The following TAFA2 variants were observed in gnomAD, a reference collection of about 807,000 sequenced individuals.
TAFA2 encodes the protein chemokine-like protein TAFA-2.
TAFA2 carries 7 observed loss-of-function variants against 18.8 expected under a neutral mutation model. The ratio of observed to expected loss-of-function variants is 0.37; its 90% confidence interval spans 0.21 to 0.70. The LOEUF (loss-of-function observed/expected upper bound fraction) is 0.70. Among genes scored for constraint, TAFA2 ranks in the 30% least tolerant of loss-of-function variants. TAFA2 has a pLI of 0.53. For missense variants in TAFA2, 122 were observed against 158.1 expected (o/e 0.77, Z 1.23); for synonymous variants, 60 against 54.2 (o/e 1.11, Z -0.47).
At chr12:61,926,843 C>T (rs751136585) in intron 1 of TAFA2, among the ~76,000 whole-genome samples, 38 of 151,946 alleles carry the variant, frequency 2.5e-4, no homozygotes, top group Middle Eastern at 3.4e-3. Flanking sequence ...GAGGCTGAGG[C>T]GGGTGGATCA....
At chr12:61,836,293 A>G (rs1281673090) in intron 2 of TAFA2, among the ~76,000 whole-genome samples, 3 of 151,954 alleles carry the variant, frequency 2.0e-5, no homozygotes, top group Non-Finnish European at 4.4e-5. Context: ...GAAGAGTTAG[A>G]TGTGAGTGAA....
intron 2 of TAFA2, among the ~76,000 whole-genome samples, chr12:61,772,785 C>G (rs1870091661): frequency 6.6e-6 from 1 of 151,696 alleles, no homozygotes; most frequent in Non-Finnish European, 1.5e-5. Context: ...AAGCACTCCC[C>G]CTGAGAACTG....
intron 2 of TAFA2, among the ~76,000 whole-genome samples, chr12:61,814,056 C>A (rs1444473126): frequency 6.6e-6 from 1 of 151,312 alleles, no homozygotes; most frequent in Non-Finnish European, 1.5e-5. Context: ...ACACTGTATG[C>A]AAACAATAAG....
chr12:61,880,165 G>C, intron 1 of TAFA2: 1 of 556,762 alleles, frequency 1.8e-6, no homozygotes, highest in Non-Finnish European at 3.3e-6. Flanking sequence ...CTGACAGCAT[G>C]TACCAGATCA....
intron 2 of TAFA2, among the ~76,000 whole-genome samples, chr12:61,785,772 T>C (rs1870713796): frequency 6.6e-6 from 1 of 151,618 alleles, no homozygotes; most frequent in African/African-American, 2.4e-5. Context: ...TGCTCTATGA[T>C]GTTCACATGA....
chr12:61,728,042 T>TC (rs1447352085), intron 4 of TAFA2, among the ~76,000 whole-genome samples: 1 of 151,136 alleles, frequency 6.6e-6, no homozygotes, highest in Non-Finnish European at 1.5e-5. Context: ...GTTTTTTTTT[T>TC]TTTTTTCAGT....
chr12:62,095,709 T>A (rs1488829312), intron 1 of TAFA2, among the ~76,000 whole-genome samples: 1 of 152,168 alleles, frequency 6.6e-6, no homozygotes, highest in Non-Finnish European at 1.5e-5. Flanking sequence ...GTTCCAGGAA[T>A]CTGCATTCAA....
intron 1 of TAFA2, among the ~76,000 whole-genome samples, chr12:61,907,844 G>A (rs1312462672): frequency 2.6e-5 from 4 of 152,198 alleles, no homozygotes; most frequent in African/African-American, 9.7e-5. Context: ...GTGAGACATG[G>A]ACTCAAAGGA....
At chr12:61,976,463 AC>A (rs2136671458) in intron 1 of TAFA2, among the ~76,000 whole-genome samples, 1 of 152,152 alleles carries the variant, frequency 6.6e-6, no homozygotes, top group South Asian at 2.1e-4. Context: ...ACAAATAAAA[AC>A]AAACACACAC....
intron 1 of TAFA2, among the ~76,000 whole-genome samples, chr12:61,889,743 T>C (rs780579785): frequency 2.0e-5 from 3 of 152,216 alleles, no homozygotes; most frequent in Non-Finnish European, 4.4e-5. Flanking sequence ...AATCTTGAAA[T>C]GTTTTTGCCG....
chr12:62,092,024 A>G (rs777919613), intron 1 of TAFA2, among the ~76,000 whole-genome samples: 30 of 152,092 alleles, frequency 2.0e-4, no homozygotes, highest in Non-Finnish European at 3.5e-4. Context: ...AATAACTAGT[A>G]CCCACTGTTA....
At chr12:61,883,314 G>A (rs1875229770) in intron 1 of TAFA2, among the ~76,000 whole-genome samples, 1 of 152,138 alleles carries the variant, frequency 6.6e-6, no homozygotes, top group Non-Finnish European at 1.5e-5. Context: ...AAACCACAGA[G>A]TAAAGGCATT....
At position 62,192,347 on chromosome 12, in the gene TAFA2, CA is replaced by C. The variant is rs1565775791; in HGVS notation, c.-1091del. 1 of 152,152 alleles carries C rather than the reference CA, an allele frequency of 6.6e-6. No individual in the cohort carries two copies. Among genetic ancestry groups the C allele is most frequent in the Non-Finnish European group, 1.5e-5 (1 of 68,056 alleles). The allele number at this position is 152,152 out of a possible 1,614,324, so 9.4% of individuals were successfully genotyped here. On this transcript the variant is annotated 5_prime_UTR_variant, in exon 1 of 5. Coordinates refer to ENST00000416284, the MANE Select transcript of TAFA2 (RefSeq NM_178539.5). Reference sequence around the variant, plus strand: ...GAGGTGCGAGTTCCAACATCGAACACAAGCGAGCAGGTGTCGCCTGTGTCAC... The same window carrying C: ...GAGGTGCGAGTTCCAACATCGAACACAGCGAGCAGGTGTCGCCTGTGTCAC...
chr12:61,935,841 A>C (rs1877739907), intron 1 of TAFA2, among the ~76,000 whole-genome samples: 1 of 152,012 alleles, frequency 6.6e-6, no homozygotes, highest in African/African-American at 2.4e-5. Flanking sequence ...AAGTTCTGAA[A>C]TTGAATCAGT....
chr12:62,059,110 AT>A (rs1355374850), intron 1 of TAFA2, among the ~76,000 whole-genome samples: 8 of 87,424 alleles, frequency 9.2e-5, no homozygotes, highest in Non-Finnish European at 1.8e-4. Flanking sequence ...CTCAAAAAAA[AT>A]AATAATAATA....
intron 1 of TAFA2, chr12:62,104,914 T>TTTGAAACATTTCAA: frequency 4.1e-6 from 1 of 242,142 alleles, no homozygotes; most frequent in Non-Finnish European, 8.5e-6. Context: ...TTCAAAACGT[T>TTTGAAACATTTCAA]GGCTGCCAAG....
chr12:61,907,619 C>A (rs967172528), intron 1 of TAFA2, among the ~76,000 whole-genome samples: 6 of 152,224 alleles, frequency 3.9e-5, no homozygotes, highest in African/African-American at 7.2e-5. Context: ...GGAGTGCCCA[C>A]TGAGACACTG....
At chr12:62,179,668 T>C (rs1451235667) in intron 1 of TAFA2, among the ~76,000 whole-genome samples, 1 of 152,184 alleles carries the variant, frequency 6.6e-6, no homozygotes, top group Non-Finnish European at 1.5e-5. Flanking sequence ...TACCTCTTTG[T>C]TCCCCAAGAA....
intron 1 of TAFA2, among the ~76,000 whole-genome samples, chr12:62,103,816 T>C (rs76700718): frequency 0.054 from 8,224 of 151,408 alleles, 336 homozygotes; most frequent in Non-Finnish European, 0.083. Context: ...ATGGTATGCA[T>C]TGATAGGAAA....
Sources: allele counts gnomAD v4.1 joint callset (sites outside exome capture counted in the v4.1 genomes callset), GRCh38; gene constraint gnomAD v4.1.1; transcripts MANE v1.5; gene names NCBI Gene and HGNC (gene_info 2026-07-23, HGNC 2026-07-21).